The following SHISA9 variants were observed in gnomAD, a reference collection of about 807,000 sequenced individuals.
SHISA9 encodes the protein shisa family member 9.
Under a neutral mutation model 38.0 loss-of-function variants are expected in SHISA9, and 13 were observed. The observed-to-expected ratio is 0.34, with a 90% confidence interval of 0.22 to 0.54. SHISA9 has a LOEUF of 0.54. Among genes scored for constraint, SHISA9 ranks in the 20% least tolerant of loss-of-function variants. The pLI is 0.91. For missense variants in SHISA9, 538 were observed against 575.8 expected, an observed-to-expected ratio of 0.93 and a Z score of 0.67; for synonymous variants, 275 against 242.0, an observed-to-expected ratio of 1.14 and a Z score of -1.27.
At chr16:13,497,634 G>A in the SHISA9 span, among the ~76,000 whole-genome samples, 213 of 144,924 alleles carry the variant, frequency 1.5e-3, no homozygotes, top group Non-Finnish European at 7.4e-4. Context: ...GCAGTGAACC[G>A]AGATTGCACC....
chr16:13,036,977 A>G (rs535725876), intron 2 of SHISA9, among the ~76,000 whole-genome samples: 6 of 152,196 alleles, frequency 3.9e-5, no homozygotes, highest in South Asian at 4.1e-4. Flanking sequence ...ATTAAAGACT[A>G]TTATTATCCT....
At chr16:13,327,403 G>A in the SHISA9 span, among the ~76,000 whole-genome samples, 3 of 152,058 alleles carry the variant, frequency 2.0e-5, no homozygotes, top group East Asian at 1.9e-4. Flanking sequence ...ATCACCTGAG[G>A]TCAAGAGTTC....
At chr16:13,334,773 CAAAAA>C in the SHISA9 span, among the ~76,000 whole-genome samples, 1 of 97,670 alleles carries the variant, frequency 1.0e-5, no homozygotes. Context: ...GACTCCATCT[CAAAAA>C]AAAAAAAAAA....
chr16:13,165,693 C>A (rs1036690900), intron 2 of SHISA9, among the ~76,000 whole-genome samples: 6 of 152,202 alleles, frequency 3.9e-5, no homozygotes, highest in Non-Finnish European at 8.8e-5. Context: ...TCCACACACT[C>A]CAGCCTTTCC....
chr16:13,266,803 C>G, the SHISA9 span, among the ~76,000 whole-genome samples: 1 of 152,080 alleles, frequency 6.6e-6, no homozygotes, highest in Admixed American at 6.6e-5. Flanking sequence ...AAAACAGTTA[C>G]TCTTAGGAAT....
chr16:13,445,714 C>A, the SHISA9 span, among the ~76,000 whole-genome samples: 1 of 152,138 alleles, frequency 6.6e-6, no homozygotes, highest in Non-Finnish European at 1.5e-5. Flanking sequence ...AATCTAGGGA[C>A]AATATACTGA....
the SHISA9 span, among the ~76,000 whole-genome samples, chr16:13,395,690 G>C: frequency 6.6e-6 from 1 of 152,184 alleles, no homozygotes; most frequent in Non-Finnish European, 1.5e-5. Flanking sequence ...TTTCTGTCTT[G>C]CTTATTGTTG....
At chr16:13,017,357 A>G (rs953242520) in intron 2 of SHISA9, among the ~76,000 whole-genome samples, 6 of 152,128 alleles carry the variant, frequency 3.9e-5, no homozygotes, top group Non-Finnish European at 5.9e-5. Flanking sequence ...ATTCTGTGCA[A>G]TGCATTTTCC....
At chr16:13,026,555 T>C (rs557092187) in intron 2 of SHISA9, among the ~76,000 whole-genome samples, 1 of 152,354 alleles carries the variant, frequency 6.6e-6, no homozygotes, top group African/African-American at 2.4e-5. Context: ...CAGATATCTC[T>C]TTGAGTTCCA....
chr16:13,393,083 G>A, the SHISA9 span, among the ~76,000 whole-genome samples: 8 of 152,292 alleles, frequency 5.3e-5, no homozygotes, highest in African/African-American at 1.9e-4. Context: ...TTTCAGGCCT[G>A]GGGGAAGGTG....
chr16:13,144,986 G>A (rs921354234), intron 2 of SHISA9, among the ~76,000 whole-genome samples: 5 of 152,200 alleles, frequency 3.3e-5, no homozygotes, highest in African/African-American at 1.2e-4. Flanking sequence ...TGGCAGAGGA[G>A]GGAGCATCTT....
chr16:13,259,106 G>A, the SHISA9 span, among the ~76,000 whole-genome samples: 1 of 152,172 alleles, frequency 6.6e-6, no homozygotes, highest in Admixed American at 6.5e-5. Context: ...AGATACAATG[G>A]GGGTACAGGT....
At chr16:13,175,824 C>G (rs895122818) in intron 2 of SHISA9, among the ~76,000 whole-genome samples, 19 of 152,126 alleles carry the variant, frequency 1.2e-4, no homozygotes, top group Non-Finnish European at 1.8e-4. Flanking sequence ...CTTTCACGTG[C>G]TTCCAAGGGT....
chr16:13,447,718 G>T, the SHISA9 span, among the ~76,000 whole-genome samples: 47 of 152,256 alleles, frequency 3.1e-4, no homozygotes, highest in African/African-American at 1.1e-3. Flanking sequence ...AATGAGACTC[G>T]GAGACCATCA....
chr16:13,123,572 T>C (rs1596663970), intron 2 of SHISA9, among the ~76,000 whole-genome samples: 1 of 152,276 alleles, frequency 6.6e-6, no homozygotes. Flanking sequence ...TGGTGGATTC[T>C]ATCTTTGTGA....
chr16:13,491,510 A>G, the SHISA9 span, among the ~76,000 whole-genome samples: 2 of 151,522 alleles, frequency 1.3e-5, no homozygotes, highest in African/African-American at 4.9e-5. Context: ...TGGTATTGAG[A>G]CTGAATCTCA....
In SHISA9 at chr16:12,916,734, C is replaced by A. The variant is rs948782420; in HGVS notation, c.610C>A (p.His204Asn). ...MRPQGHCNTD[H>N]MERDLNIVVH... The stretch of plus-strand genomic sequence containing the variant: ...ACCACAGGGCCACTGCAACACTGAT[C>A]ACATGGAGAGAGACCTAAACATCGT... Residue 204 changes from histidine to asparagine, a missense_variant, in exon 2 of 5, where the codon CAC (histidine) becomes AAC (asparagine). By Grantham distance (68) the His-to-Asn change is moderately conservative (BLOSUM62 1). Transcript: ENST00000558583. The A allele has an allele frequency of 6.4e-6, 10 of 1,552,162 alleles. No homozygotes were observed. The highest frequency in any genetic ancestry group is 8.7e-6 in the Non-Finnish European group (10 of 1,147,080).
At chr16:13,306,784 A>G in the SHISA9 span, among the ~76,000 whole-genome samples, 3 of 152,216 alleles carry the variant, frequency 2.0e-5, 1 homozygote, top group South Asian at 4.1e-4. Flanking sequence ...TAAGTCATAC[A>G]CTGTCACTTC....
At chr16:13,387,620 G>A in the SHISA9 span, among the ~76,000 whole-genome samples, 1 of 152,132 alleles carries the variant, frequency 6.6e-6, no homozygotes, top group African/African-American at 2.4e-5. Flanking sequence ...CTCCCAAGTA[G>A]CTGGGATTAC....
Sources: gnomAD v4.1 joint callset for allele counts (sites outside exome capture counted in the v4.1 genomes callset) on GRCh38, gnomAD v4.1.1 for gene constraint, MANE v1.5 for transcripts, NCBI Gene and HGNC (gene_info 2026-07-23, HGNC 2026-07-21) for gene names.